DOCK3: variants seen among roughly 807,000 people sequenced by gnomAD.
DOCK3 encodes the protein dedicator of cytokinesis 3.
In DOCK3, 60 loss-of-function variants were observed where a neutral mutation model predicts 265.6. The observed-to-expected ratio is 0.23, with a 90% confidence interval of 0.18 to 0.28. The LOEUF (loss-of-function observed/expected upper bound fraction) is 0.28. DOCK3 is among the 10% of genes least tolerant of loss of function. DOCK3 has a pLI of 1.00. For synonymous variants in DOCK3, 881 were observed against 938.0 expected (o/e 0.94, Z 1.11); for missense variants, 1,981 against 2,594.3 (o/e 0.76, Z 5.14).
intron 5 of DOCK3, among the ~76,000 whole-genome samples, chr3:51,040,908 A>G (rs969211482): frequency 2.6e-5 from 4 of 151,834 alleles, no homozygotes; most frequent in Non-Finnish European, 5.9e-5. Context: ...ACTTCTAATT[A>G]TAGTTTTCTT....
chr3:51,350,456 A>T, intron 40 of DOCK3, 64 bp downstream of exon 40: 1 of 1,541,460 alleles, frequency 6.5e-7, no homozygotes, highest in Non-Finnish European at 8.9e-7. Context: ...TAAAACCGAT[A>T]TTCTTTTCTT....
intron 19 of DOCK3, among the ~76,000 whole-genome samples, chr3:51,234,752 C>G (rs1341966963): frequency 6.6e-6 from 1 of 152,118 alleles, no homozygotes; most frequent in African/African-American, 2.4e-5. Flanking sequence ...TGTGACATTT[C>G]CTATCTAATG....
At chr3:51,151,679 A>C (rs551975787) in intron 10 of DOCK3, among the ~76,000 whole-genome samples, 18 of 152,326 alleles carry the variant, frequency 1.2e-4, no homozygotes, top group African/African-American at 3.8e-4. Context: ...GAGCTCTTGT[A>C]AGGCAGGCCT....
intron 5 of DOCK3, among the ~76,000 whole-genome samples, chr3:50,994,572 G>A (rs1400019367): frequency 6.6e-6 from 1 of 152,180 alleles, no homozygotes; most frequent in Non-Finnish European, 1.5e-5. Context: ...TGAAGAACAA[G>A]TATGTATATG....
chr3:50,974,280 G>A (rs796324797), intron 5 of DOCK3, among the ~76,000 whole-genome samples: 10,978 of 151,150 alleles, frequency 0.073, 942 homozygotes, highest in East Asian at 0.33. Context: ...TAGGTCTAAC[G>A]TTTAAGTCTT....
intron 5 of DOCK3, among the ~76,000 whole-genome samples, chr3:50,952,453 T>A (rs1255523449): frequency 6.6e-6 from 1 of 152,226 alleles, no homozygotes; most frequent in Non-Finnish European, 1.5e-5. Flanking sequence ...AGTAAATGTC[T>A]GGTTTTCTCA....
At chr3:51,076,798 G>T (rs1056869519) in intron 7 of DOCK3, among the ~76,000 whole-genome samples, 1 of 152,120 alleles carries the variant, frequency 6.6e-6, no homozygotes, top group Admixed American at 6.6e-5. Context: ...AGTAGGAAAA[G>T]AGAAGGAAAG....
intron 5 of DOCK3, among the ~76,000 whole-genome samples, chr3:51,023,089 C>A (rs2079663024): frequency 6.6e-6 from 1 of 152,128 alleles, no homozygotes; most frequent in South Asian, 2.1e-4. Flanking sequence ...AGGTAGATAT[C>A]CAGATCTCTA....
At chr3:51,056,374 G>A (rs1423016202) in intron 5 of DOCK3, among the ~76,000 whole-genome samples, 8 of 152,046 alleles carry the variant, frequency 5.3e-5, no homozygotes, top group South Asian at 2.1e-4. Context: ...TCTGCCTCCC[G>A]AGTAACTGGG....
chr3:51,073,469 G>C (rs1336839447), intron 6 of DOCK3, among the ~76,000 whole-genome samples: 1 of 152,184 alleles, frequency 6.6e-6, no homozygotes, highest in Non-Finnish European at 1.5e-5. Context: ...GCTAATAAGA[G>C]GTGATGGAAT....
chr3:51,321,546 T>G (rs1221005917), intron 32 of DOCK3, among the ~76,000 whole-genome samples: 4 of 152,146 alleles, frequency 2.6e-5, no homozygotes, highest in African/African-American at 9.7e-5. Flanking sequence ...TAAAGGAGCA[T>G]GTTCTAACCT....
In DOCK3 at chr3:51,272,857, G is replaced by A. The variant is rs192880590; in HGVS notation, c.2548+1850G>A. Among the ~76,000 whole-genome samples the A allele has an allele frequency of 7.9e-5, 12 of 152,080 alleles. No individual in the cohort carries two copies. The South Asian group carries it at 1.2e-3, about 16-fold the overall frequency. ...AGGCCACTGTACACACTTGAGCTTT[G>A]TGCACTGCTTAAAGAAAATGCTTTT... On this transcript the variant is annotated intron_variant, in intron 24 of 52. Transcript: ENST00000266037.
At chr3:50,907,287 A>T (rs1170761627) in intron 4 of DOCK3, among the ~76,000 whole-genome samples, 1 of 152,110 alleles carries the variant, frequency 6.6e-6, no homozygotes, top group Non-Finnish European at 1.5e-5. Flanking sequence ...TGCAGAGCTG[A>T]GTTCAATTCC....
chr3:51,051,634 C>T (rs1007955703), intron 5 of DOCK3, among the ~76,000 whole-genome samples: 1 of 152,166 alleles, frequency 6.6e-6, no homozygotes, highest in Non-Finnish European at 1.5e-5. Context: ...ACCATTCTGA[C>T]TCTAAAGCCA....
At position 51,335,330 on chromosome 3, in the gene DOCK3, A is replaced by G. The variant is rs1325220130; in HGVS notation, c.3611+2077A>G. Among the ~76,000 whole-genome samples the G allele has an allele frequency of 3.3e-5, 5 of 152,006 alleles. No homozygotes were observed. The South Asian group carries it at 1.0e-3, about 32-fold the overall frequency. ...CTAGCTGACTCAAGAACCATGCCCT[A>G]TCTCTGTGTCCATGTTGTCACCACT... On this transcript the variant is annotated intron_variant, in intron 35 of 52. Coordinates refer to ENST00000266037, the MANE Select transcript of DOCK3 (RefSeq NM_004947.5).
intron 49 of DOCK3, among the ~76,000 whole-genome samples, chr3:51,367,705 G>A (rs2087330320): frequency 6.6e-6 from 1 of 152,168 alleles, no homozygotes; most frequent in African/African-American, 2.4e-5. Context: ...AAATCTCTCA[G>A]CATTTGTTTG....
chr3:51,152,344 A>G (rs1335511463), intron 10 of DOCK3, among the ~76,000 whole-genome samples: 5 of 152,154 alleles, frequency 3.3e-5, no homozygotes, highest in African/African-American at 1.2e-4. Flanking sequence ...CAGCTCCATC[A>G]GGTCATTTAA....
At chr3:51,355,110 C>T in intron 41 of DOCK3, 87 bp downstream of exon 41, 1 of 1,506,542 alleles carries the variant, frequency 6.6e-7, no homozygotes. Context: ...ACCACATTGC[C>T]AACCATACAG....
At position 51,019,037 on chromosome 3, in the gene DOCK3, G is replaced by A. The variant is rs375634534; in HGVS notation, c.316-45411G>A. On this transcript the variant is annotated intron_variant, in intron 5 of 52. Coordinates refer to ENST00000266037, the MANE Select transcript of DOCK3 (RefSeq NM_004947.5). ...ATGAGCTACCACCACACCTGGTAAA[G>A]TTTTTTATTTTCCTTTTCTTGTAGA... Among the ~76,000 whole-genome samples the A allele has an allele frequency of 2.4e-4, 36 of 151,922 alleles. No individual in the cohort carries two copies. In the East Asian group the frequency reaches 6.2e-3, roughly 26 times the overall value.
Sources: allele counts gnomAD v4.1 joint callset (sites outside exome capture counted in the v4.1 genomes callset), GRCh38; gene constraint gnomAD v4.1.1; transcripts MANE v1.5; gene names NCBI Gene and HGNC (gene_info 2026-07-23, HGNC 2026-07-21).